The following GDPD1 variants were observed in gnomAD, a reference collection of about 807,000 sequenced individuals.
GDPD1 encodes lysophospholipase D GDPD1.
In GDPD1, 28 loss-of-function variants were observed where a neutral mutation model predicts 45.1. The observed-to-expected ratio is 0.62, with a 90% CI of 0.46 to 0.85. The LOEUF is 0.85. Among genes scored for constraint, GDPD1 ranks in the 40% least tolerant of loss-of-function variants. GDPD1 has a pLI of 0.00. For missense variants in GDPD1, 256 were observed against 364.8 expected (o/e 0.70, Z 2.43); for synonymous variants, 139 against 131.4 (o/e 1.06, Z -0.40).
At chr17:59,247,319 C>T (rs2047219810) in intron 3 of GDPD1, among the ~76,000 whole-genome samples, 2 of 152,064 alleles carry the variant, frequency 1.3e-5, no homozygotes, top group South Asian at 2.1e-4. Context: ...GACATGTATC[C>T]ACAATTATAC....
At chr17:59,225,802 A>G (rs1246783758) in intron 1 of GDPD1, among the ~76,000 whole-genome samples, 1 of 152,064 alleles carries the variant, frequency 6.6e-6, no homozygotes, top group Admixed American at 6.6e-5. Flanking sequence ...GCTCACAGCA[A>G]CTTCCACCTC....
chr17:59,254,731 C>T (rs1234285806), intron 4 of GDPD1, among the ~76,000 whole-genome samples: 1 of 152,162 alleles, frequency 6.6e-6, no homozygotes, highest in Non-Finnish European at 1.5e-5. Context: ...TCAGACATGA[C>T]TGATTCCAGT....
At chr17:59,220,785 T>TG in intron 1 of GDPD1, 34 bp downstream of exon 1, 2 of 1,603,784 alleles carry the variant, frequency 1.2e-6, no homozygotes, top group Non-Finnish European at 1.7e-6. Flanking sequence ...ATGACGGAGG[T>TG]GGGGGAGGCT....
chr17:59,257,008 A>C (rs1350768959), intron 4 of GDPD1, 114 bp from the exon 5 acceptor site: 8 of 513,400 alleles, frequency 1.6e-5, no homozygotes, highest in Admixed American at 1.2e-4. Context: ...TTTCTTCTCT[A>C]TACTTTTCCT....
intron 6 of GDPD1, among the ~76,000 whole-genome samples, chr17:59,264,968 G>A (rs996778526): frequency 1.3e-5 from 2 of 151,756 alleles, no homozygotes; most frequent in African/African-American, 4.8e-5. Context: ...AGCCTCCCGA[G>A]TAGCTGGGGT....
intron 4 of GDPD1, among the ~76,000 whole-genome samples, chr17:59,255,656 T>C (rs2147894027): frequency 7.1e-6 from 1 of 140,098 alleles, no homozygotes; most frequent in South Asian, 2.3e-4. Flanking sequence ...GGCAGGAGAA[T>C]CACTTGAACC....
chr17:59,220,625 G>A lies in GDPD1; in HGVS notation c.16G>A (p.Ala6Thr), dbSNP rs753133007. The A allele has an allele frequency of 1.3e-5, 21 of 1,613,650 alleles. No homozygotes were observed. The highest frequency in any genetic ancestry group is 1.7e-5 in the Admixed American group (1 of 59,948). Residue 6 changes from alanine (A) to threonine (T), a missense_variant, in exon 1 of 10, where the codon GCT becomes ACT. By Grantham distance (58) the Ala-to-Thr change is moderately conservative. Transcript: ENST00000284116. MSSTA[A>T]FYLLSTLGGY... ...GGTGACTGAGATGTCGTCCACTGCG[G>A]CTTTTTACCTTCTCTCTACGCTAGG...
chr17:59,267,953 C>T (rs747975340), intron 7 of GDPD1, among the ~76,000 whole-genome samples: 3 of 152,092 alleles, frequency 2.0e-5, no homozygotes, highest in South Asian at 2.1e-4. Context: ...AGGCGTGACC[C>T]GCCTTGCCCA....
chr17:59,267,091 T>C lies in GDPD1; in HGVS notation c.627T>C (p.Leu209=). 1 of 1,613,594 alleles carries C rather than the reference T, an allele frequency of 6.2e-7. No homozygotes were observed. Among genetic ancestry groups the C allele is most frequent in the Non-Finnish European group, 8.5e-7 (1 of 1,179,490 alleles). The change falls in exon 7 of 10, where the codon CTT becomes CTC. Residue 209 remains leucine, a synonymous_variant. Transcript: ENST00000284116. Reference sequence around the variant, plus strand: ...GTCTACAACGTGTCCTGCTCATTCTTGGCCTTTTCTTCACTGGCCTCTTGC... The same window carrying C: ...GTCTACAACGTGTCCTGCTCATTCTCGGCCTTTTCTTCACTGGCCTCTTGC... The part of the protein sequence containing the change: ...LFSLQRVLLI[L]GLFFTGLLPF...
At chr17:59,247,475 T>C (rs555011107) in intron 3 of GDPD1, among the ~76,000 whole-genome samples, 1 of 152,320 alleles carries the variant, frequency 6.6e-6, no homozygotes, top group East Asian at 1.9e-4. Context: ...GGAATCATAC[T>C]GTATTTGGCC....
intron 2 of GDPD1, among the ~76,000 whole-genome samples, chr17:59,242,255 G>T (rs1321804822): frequency 2.0e-5 from 3 of 152,120 alleles, no homozygotes; most frequent in Non-Finnish European, 1.5e-5. Context: ...TAGAGACAGG[G>T]TTTTCCCATG....
chr17:59,273,613 A>G (rs750532213), intron 9 of GDPD1, 38 bp from the exon 10 acceptor site: 1 of 1,206,764 alleles, frequency 8.3e-7, no homozygotes, highest in Admixed American at 2.2e-5. Flanking sequence ...TTCTATTTTA[A>G]CATTTCTTCT....
intron 4 of GDPD1, among the ~76,000 whole-genome samples, chr17:59,252,773 G>T (rs985861527): frequency 2.0e-5 from 3 of 151,800 alleles, no homozygotes; most frequent in African/African-American, 7.3e-5. Context: ...GTTGAGGCAG[G>T]AAGATCACCT....
In GDPD1 at chr17:59,237,231, T is replaced by A. The variant is rs571399086; in HGVS notation, c.185+2697T>A. Among the ~76,000 whole-genome samples the A allele has an allele frequency of 3.9e-4, 59 of 151,950 alleles. 2 individuals carry two copies. The South Asian group carries it at 0.012, about 31-fold the overall frequency. ...CTGGGCAGCAGGGTGAAACCCCATC[T>A]CTAGAAAATGCACAAAAAAAATTAA... On this transcript the variant is annotated intron_variant, in intron 2 of 9. Coordinates refer to ENST00000284116, the MANE Select transcript of GDPD1 (RefSeq NM_182569.4).
At chr17:59,273,275 G>C (rs2047457302) in intron 9 of GDPD1, among the ~76,000 whole-genome samples, 1 of 151,854 alleles carries the variant, frequency 6.6e-6, no homozygotes, top group African/African-American at 2.4e-5. Context: ...TTATAGGCAT[G>C]CACCACCATA....
At chr17:59,220,970 T>C (rs1290846832) in intron 1 of GDPD1, among the ~76,000 whole-genome samples, 2 of 151,520 alleles carry the variant, frequency 1.3e-5, no homozygotes, top group African/African-American at 4.9e-5. Flanking sequence ...CGGGGGTCTC[T>C]CGAGGGCAGC....
At chr17:59,259,583 A>T (rs1286984630) in intron 6 of GDPD1, among the ~76,000 whole-genome samples, 2 of 147,078 alleles carry the variant, frequency 1.4e-5, no homozygotes, top group Non-Finnish European at 3.0e-5. Context: ...AAAAAAAAAA[A>T]AAAAAAAATA....
intron 7 of GDPD1, among the ~76,000 whole-genome samples, chr17:59,270,507 T>C (rs1393739289): frequency 6.6e-6 from 1 of 151,964 alleles, no homozygotes; most frequent in Admixed American, 6.6e-5. Context: ...CCTACAGATA[T>C]TTTAAAGGAA....
At chr17:59,263,542 A>G (rs1208067530) in intron 6 of GDPD1, among the ~76,000 whole-genome samples, 2 of 127,476 alleles carry the variant, frequency 1.6e-5, no homozygotes, top group African/African-American at 6.1e-5. Context: ...GCAATGGCGC[A>G]ATCTCGGCTC....
Sources: allele counts gnomAD v4.1 joint callset (sites outside exome capture counted in the v4.1 genomes callset), GRCh38; gene constraint gnomAD v4.1.1; transcripts MANE v1.5; gene names NCBI Gene and HGNC (gene_info 2026-07-23, HGNC 2026-07-21).